The following RSRC1 variants were observed in gnomAD, a reference collection of about 807,000 sequenced individuals.
RSRC1 encodes the protein arginine and serine rich coiled-coil 1.
RSRC1 carries 39 observed loss-of-function variants against 49.1 expected under a neutral mutation model. The ratio of observed to expected loss-of-function variants is 0.79; its 90% CI spans 0.61 to 1.04. The LOEUF is 1.04. Ranked by LOEUF, RSRC1 falls within the 50% of genes least tolerant of loss-of-function variation. The pLI is 0.00. For synonymous variants in RSRC1, 143 were observed against 130.8 expected (o/e 1.09, Z -0.63); for missense variants, 388 against 402.4 (o/e 0.96, Z 0.31).
At chr3:158,266,866 T>C (rs938591153) in intron 4 of RSRC1, among the ~76,000 whole-genome samples, 3 of 152,090 alleles carry the variant, frequency 2.0e-5, no homozygotes, top group African/African-American at 7.2e-5. Flanking sequence ...TGGGCTCAAA[T>C]GATTCTCCTG....
intron 5 of RSRC1, among the ~76,000 whole-genome samples, chr3:158,299,676 ATACTT>A (rs1727427598): frequency 6.6e-6 from 1 of 152,176 alleles, no homozygotes; most frequent in African/African-American, 2.4e-5. Context: ...TTTATTAAAA[ATACTT>A]TATATTTACT....
At chr3:158,538,949 A>T (rs773964293) in intron 8 of RSRC1, among the ~76,000 whole-genome samples, 19 of 152,008 alleles carry the variant, frequency 1.2e-4, no homozygotes, top group Non-Finnish European at 2.7e-4. Flanking sequence ...TAGATTCTAA[A>T]ATATCTATAT....
At chr3:158,125,030 G>A (rs1715525911) in intron 3 of RSRC1, among the ~76,000 whole-genome samples, 2 of 151,896 alleles carry the variant, frequency 1.3e-5, no homozygotes, top group South Asian at 2.1e-4. Context: ...TATTGCCCAG[G>A]CTAGTCTCCA....
At chr3:158,385,548 T>G (rs1444746886) in intron 6 of RSRC1, among the ~76,000 whole-genome samples, 1 of 152,108 alleles carries the variant, frequency 6.6e-6, no homozygotes, top group Non-Finnish European at 1.5e-5. Flanking sequence ...CATTAACAAC[T>G]CAGTTATAAA....
intron 3 of RSRC1, among the ~76,000 whole-genome samples, chr3:158,181,075 A>T (rs1469632499): frequency 3.3e-5 from 5 of 152,158 alleles, no homozygotes; most frequent in African/African-American, 1.2e-4. Context: ...AAGTGCTGGG[A>T]TTACAGGCGT....
At chr3:158,367,190 G>A (rs1731813691) in intron 6 of RSRC1, among the ~76,000 whole-genome samples, 1 of 152,132 alleles carries the variant, frequency 6.6e-6, no homozygotes, top group Non-Finnish European at 1.5e-5. Flanking sequence ...GGAGTGGTGA[G>A]AGAGGGCATC....
intron 6 of RSRC1, among the ~76,000 whole-genome samples, chr3:158,361,464 A>C (rs1731467852): frequency 6.6e-6 from 1 of 152,136 alleles, no homozygotes; most frequent in African/African-American, 2.4e-5. Context: ...CCTTGGGGAC[A>C]CGGGACACAG....
intron 5 of RSRC1, among the ~76,000 whole-genome samples, chr3:158,329,437 G>A (rs1729401465): frequency 6.6e-6 from 1 of 152,146 alleles, no homozygotes. Flanking sequence ...CTTTCTGTTT[G>A]TTAGTTTTTC....
chr3:158,319,756 C>T (rs981922478), intron 5 of RSRC1, among the ~76,000 whole-genome samples: 2 of 152,138 alleles, frequency 1.3e-5, no homozygotes, highest in Non-Finnish European at 2.9e-5. Context: ...ATAAGGTACA[C>T]TACTAGAATG....
At chr3:158,172,407 T>A (rs1011302321) in intron 3 of RSRC1, among the ~76,000 whole-genome samples, 1 of 152,234 alleles carries the variant, frequency 6.6e-6, no homozygotes, top group African/African-American at 2.4e-5. Context: ...CTCTTGTGCA[T>A]AACTGGGAAC....
At chr3:158,289,529 A>G (rs1476534974) in intron 4 of RSRC1, among the ~76,000 whole-genome samples, 1 of 152,242 alleles carries the variant, frequency 6.6e-6, no homozygotes, top group Non-Finnish European at 1.5e-5. Flanking sequence ...TATAAGTTCT[A>G]GAGCTTTATT....
chr3:158,202,566 A>ATG (rs1559941223), intron 3 of RSRC1, among the ~76,000 whole-genome samples: 19 of 137,758 alleles, frequency 1.4e-4, no homozygotes, highest in African/African-American at 5.2e-4. Flanking sequence ...GGTAGATTAT[A>ATG]TATATATATA....
intron 7 of RSRC1, among the ~76,000 whole-genome samples, chr3:158,481,970 A>G (rs1393104182): frequency 6.6e-6 from 1 of 152,056 alleles, no homozygotes; most frequent in African/African-American, 2.4e-5. Context: ...ATGAAAGATT[A>G]TGATTCCGTA....
At chr3:158,496,789 C>T (rs1031013599) in intron 7 of RSRC1, 4 of 242,066 alleles carry the variant, frequency 1.7e-5, no homozygotes, top group Admixed American at 1.1e-4. Flanking sequence ...GGTTGATGAC[C>T]GTAAGAAACT....
chr3:158,356,368 T>C (rs1219873665), intron 6 of RSRC1, among the ~76,000 whole-genome samples: 1 of 152,088 alleles, frequency 6.6e-6, no homozygotes, highest in African/African-American at 2.4e-5. Flanking sequence ...TATTCTCATT[T>C]AAAGTGTCCA....
chr3:158,194,491 C>CTTTTTTTTT (rs368635096), intron 3 of RSRC1, among the ~76,000 whole-genome samples: 2 of 126,568 alleles, frequency 1.6e-5, no homozygotes, highest in African/African-American at 3.0e-5. Flanking sequence ...CTTTGAGATT[C>CTTTTTTTTT]TTTTTTTTTT....
At chr3:158,152,080 ATGT>A (rs1717575434) in intron 3 of RSRC1, among the ~76,000 whole-genome samples, 1 of 87,792 alleles carries the variant, frequency 1.1e-5, no homozygotes, top group African/African-American at 6.2e-5. Flanking sequence ...TATGGGCAAA[ATGT>A]TTTTTTTTTT....
chr3:158,537,279 G>A (rs1049900098), intron 8 of RSRC1, 81 bp downstream of exon 8: 2 of 807,278 alleles, frequency 2.5e-6, no homozygotes, highest in Non-Finnish European at 3.8e-6. Context: ...TTACTTAAAT[G>A]TGTTTCTTCT....
intron 7 of RSRC1, among the ~76,000 whole-genome samples, chr3:158,485,621 T>A (rs1255925760): frequency 1.3e-5 from 2 of 152,116 alleles, no homozygotes; most frequent in East Asian, 3.8e-4. Context: ...GTGGTTTTTA[T>A]TTTTTCCTAC....
Sources: gnomAD v4.1 joint callset for allele counts (sites outside exome capture counted in the v4.1 genomes callset) on GRCh38, gnomAD v4.1.1 for gene constraint, MANE v1.5 for transcripts, NCBI Gene and HGNC (gene_info 2026-07-23, HGNC 2026-07-21) for gene names.